Variants in GBF1 observed in about 807,000 individuals in gnomAD.
The protein encoded by GBF1 is Golgi-specific brefeldin A-resistance guanine nucleotide exchange factor 1.
In GBF1, 114 loss-of-function variants were observed where a neutral mutation model predicts 210.5. The ratio of observed to expected loss-of-function variants is 0.54; its 90% CI spans 0.47 to 0.63. The LOEUF (loss-of-function observed/expected upper bound fraction) is 0.63, where lower values mean the gene tolerates loss of function less well. Among genes scored for constraint, GBF1 ranks in the 30% least tolerant of loss-of-function variants. The pLI is 0.00. For missense variants in GBF1, 1,851 were observed against 2,357.7 expected (o/e 0.79, Z 4.45); for synonymous variants, 850 against 889.2 (o/e 0.96, Z 0.78).
rs755249587 is a variant in GBF1, at chr10:102,366,438, G to A, written c.2365G>A (p.Ala789Thr). ...LDEALRLYLE[A>T]FRLPGEAPVI... Reference sequence around the variant, plus strand: ...CGAAGCCCTCCGCCTCTACCTGGAAGCCTTCCGTTTGCCTGGGGAAGCACC... The same window carrying A: ...CGAAGCCCTCCGCCTCTACCTGGAAACCTTCCGTTTGCCTGGGGAAGCACC... Residue 789 changes from alanine to threonine, a missense_variant, in exon 19 of 40, where the codon GCC (alanine) becomes ACC (threonine). This residue lies in a region of GBF1 where 80 missense variants were observed against 151.4 expected (regional missense o/e 0.53). Coordinates refer to ENST00000369983, the MANE Select transcript of GBF1 (RefSeq NM_001377137.1). This position sits in a 1 kb window ranked among gnomAD's most constrained non-coding sequence, Gnocchi z 4.0. The A allele has an allele frequency of 3.0e-5, 49 of 1,614,156 alleles. No homozygotes were observed. Among genetic ancestry groups the A allele is most frequent in the Non-Finnish European group, 4.2e-5 (49 of 1,179,984 alleles).
the GBF1 span, chr10:102,230,884 C>T: frequency 6.2e-7 from 1 of 1,609,958 alleles, no homozygotes; most frequent in Non-Finnish European, 8.5e-7. Context: ...AGCCAGAGGC[C>T]CCACGTTGAC....
chr10:102,322,529 A>G (rs1160623510), intron 3 of GBF1, among the ~76,000 whole-genome samples: 1 of 152,092 alleles, frequency 6.6e-6, no homozygotes, highest in Non-Finnish European at 1.5e-5. Context: ...AAAACTGGGT[A>G]AGTTTCCCTT....
intron 3 of GBF1, among the ~76,000 whole-genome samples, chr10:102,277,438 G>A (rs1194066922): frequency 6.6e-6 from 1 of 150,448 alleles, no homozygotes; most frequent in Non-Finnish European, 1.5e-5. Context: ...CACCCAGGCT[G>A]GAGTGCAATA....
At chr10:102,358,356 G>A (rs1451957762) in intron 9 of GBF1, 150 bp from the exon 10 acceptor site, 1 of 787,192 alleles carries the variant, frequency 1.3e-6, no homozygotes, top group Middle Eastern at 3.7e-4. Context: ...ACTATGCAGT[G>A]ACTTAAGGTT....
chr10:102,368,930 G>A (rs189692962), intron 23 of GBF1, 98 bp downstream of exon 23: 30 of 822,664 alleles, frequency 3.6e-5, no homozygotes, highest in East Asian at 1.7e-4. Flanking sequence ...TGCCCTCAGC[G>A]TCTTCCCTCA....
intron 3 of GBF1, among the ~76,000 whole-genome samples, chr10:102,312,661 G>T (rs1376388596): frequency 6.6e-6 from 1 of 152,126 alleles, no homozygotes; most frequent in Non-Finnish European, 1.5e-5. Context: ...TATACTTTTG[G>T]TGTTCCCAGA....
intron 11 of GBF1, 134 bp downstream of exon 11, chr10:102,359,569 G>T: frequency 1.5e-6 from 1 of 655,034 alleles, no homozygotes. Context: ...TTCTAGTCAG[G>T]AAATGGAGTC....
Position 102,250,839 on chromosome 10 carries a change from C to G in GBF1, c.-11+5058C>G, listed in dbSNP as rs192378030. On this transcript the variant is annotated intron_variant, in intron 1 of 39. Coordinates refer to ENST00000369983, the MANE Select transcript of GBF1 (RefSeq NM_001377137.1). ...AGGCGTGGTTGTGGGCGCCTGTAAT[C>G]CCAGCTACTCGGGAGGCTGAGGCAG... is the stretch of plus-strand genomic sequence containing the variant. Among the ~76,000 whole-genome samples, 121 of 152,186 alleles carry G rather than the reference C, an allele frequency of 8.0e-4. 2 individuals are homozygous for G. The highest frequency in any genetic ancestry group is 1.5e-3 in the Non-Finnish European group (101 of 68,006).
Position 102,379,591 on chromosome 10 carries a change from A to G in GBF1, c.4716A>G (p.Ala1572=). Residue 1572 remains alanine (A), a synonymous_variant, in exon 35 of 40, where the codon GCA becomes GCG. Transcript: ENST00000369983. ...AGGCACTGACCTATCTGCAGCGAGC[A>G]CTACTTGTACATGATCTGCAAAAGC... ...RMQALTYLQR[A]LLVHDLQKLD... is the part of the protein sequence containing the mutation. The G allele has an allele frequency of 1.2e-6, 2 of 1,614,164 alleles. No homozygotes were observed. The highest frequency in any genetic ancestry group is 1.7e-6 in the Non-Finnish European group (2 of 1,180,008).
chr10:102,235,383 AGTCATCTGGTATAG>A, the GBF1 span, among the ~76,000 whole-genome samples: 2 of 152,120 alleles, frequency 1.3e-5, no homozygotes, highest in African/African-American at 4.8e-5. Context: ...CTCTCAGGAA[AGTCATCTGGTATAG>A]CCCAAAGAAA....
chr10:102,342,038 C>CT (rs762320060), intron 3 of GBF1, among the ~76,000 whole-genome samples: 8,105 of 139,198 alleles, frequency 0.058, 486 homozygotes, highest in African/African-American at 0.15. Context: ...TTTTTATGTA[C>CT]TTTTTTTTTT....
At chr10:102,263,059 T>G (rs2133167220) in intron 3 of GBF1, among the ~76,000 whole-genome samples, 1 of 152,292 alleles carries the variant, frequency 6.6e-6, no homozygotes, top group East Asian at 1.9e-4. Flanking sequence ...CCTGAGAAAA[T>G]GACAGAATAG....
chr10:102,372,702 G>A (rs2060278751), intron 29 of GBF1, among the ~76,000 whole-genome samples: 2 of 152,204 alleles, frequency 1.3e-5, no homozygotes, highest in African/African-American at 4.8e-5. Context: ...AAGTGGTGGA[G>A]TGATTAAAAT....
chr10:102,347,250 G>C (rs1383896096), intron 4 of GBF1, among the ~76,000 whole-genome samples: 2 of 152,156 alleles, frequency 1.3e-5, no homozygotes, highest in African/African-American at 4.8e-5. Flanking sequence ...AGAAATGTTG[G>C]ATTTGCTTAG....
In GBF1 at chr10:102,367,567, A is replaced by G; in HGVS notation, c.2642+7A>G. 6.9e-7 allele frequency: 1 copy of G among 1,453,540 alleles called. No homozygotes were observed. Among genetic ancestry groups the G allele is most frequent in the Non-Finnish European group, 9.7e-7 (1 of 1,033,200 alleles). 90.0% of individuals were successfully genotyped at this position (1,453,540 alleles called of 1,614,324 possible). A position where few individuals can be genotyped will look rare whatever the true frequency, so the allele number is the denominator to read the frequency against. On this transcript the variant is annotated splice_region_variant and intron_variant, in intron 21 of 39. Coordinates refer to ENST00000369983, the MANE Select transcript of GBF1 (RefSeq NM_001377137.1). Reference sequence around the variant, plus strand: ...ACATGTACCATGCCATCAAGTGAGTATACATAGAGAATAGTGCAGTATCTC... The same window carrying G: ...ACATGTACCATGCCATCAAGTGAGTGTACATAGAGAATAGTGCAGTATCTC...
At chr10:102,360,421 C>G in intron 12 of GBF1, 26 bp downstream of exon 12, 6 of 1,465,840 alleles carry the variant, frequency 4.1e-6, no homozygotes, top group Non-Finnish European at 5.7e-6. Flanking sequence ...TAGAGGGTCT[C>G]AGAGCCTCTT....
chr10:102,284,538 T>G (rs890460631), intron 3 of GBF1, among the ~76,000 whole-genome samples: 1 of 152,228 alleles, frequency 6.6e-6, no homozygotes, highest in Non-Finnish European at 1.5e-5. Context: ...ATGTCTGGCT[T>G]CTTTCTCTTA....
At chr10:102,250,524 ATTT>A (rs60331671) in intron 1 of GBF1, among the ~76,000 whole-genome samples, 408 of 143,410 alleles carry the variant, frequency 2.8e-3, no homozygotes, top group Middle Eastern at 3.5e-3. Flanking sequence ...TGTCCCACTA[ATTT>A]TTTTTTTTTT....
At chr10:102,259,784 TG>T (rs2072954779) in intron 2 of GBF1, among the ~76,000 whole-genome samples, 1 of 152,200 alleles carries the variant, frequency 6.6e-6, no homozygotes, top group Non-Finnish European at 1.5e-5. Context: ...ATAAAGGACC[TG>T]GCAATCTGTA....
Sources: allele counts gnomAD v4.1 joint callset (sites outside exome capture counted in the v4.1 genomes callset), GRCh38; gene constraint gnomAD v4.1.1; regional missense constraint gnomAD v4.1.1; non-coding constraint Gnocchi (gnomAD v3.1); transcripts MANE v1.5; gene names NCBI Gene and HGNC (gene_info 2026-07-23, HGNC 2026-07-21).